SNX30: variants seen among roughly 807,000 people sequenced by gnomAD.
SNX30 encodes sorting nexin family member 30, also known as sorting nexin-30.
SNX30 carries 24 observed loss-of-function variants against 46.4 expected under a neutral mutation model. The ratio of observed to expected loss-of-function variants is 0.52; its 90% CI spans 0.37 to 0.73. The LOEUF (loss-of-function observed/expected upper bound fraction) is 0.73. Among genes scored for constraint, SNX30 ranks in the 30% least tolerant of loss-of-function variants. The pLI, the probability that SNX30 is intolerant of heterozygous loss-of-function variation, is 0.00. For synonymous variants in SNX30, 189 were observed against 211.5 expected (o/e 0.89, Z 0.92); for missense variants, 533 against 555.7 (o/e 0.96, Z 0.41).
chr9:112,823,890 T>C (rs566000678), intron 3 of SNX30, among the ~76,000 whole-genome samples: 11 of 152,356 alleles, frequency 7.2e-5, no homozygotes, highest in African/African-American at 2.6e-4. Flanking sequence ...TTGGTGATTA[T>C]TGTTTTTAAT....
chr9:112,820,824 A>G (rs1012954349), intron 3 of SNX30, among the ~76,000 whole-genome samples: 3 of 152,096 alleles, frequency 2.0e-5, no homozygotes, highest in African/African-American at 7.2e-5. Flanking sequence ...CACTTAGCAT[A>G]TTTTCAAGGT....
chr9:112,854,418 A>G (rs1234109636), intron 7 of SNX30, among the ~76,000 whole-genome samples: 1 of 152,154 alleles, frequency 6.6e-6, no homozygotes. Flanking sequence ...CCTCTCGGCC[A>G]CAGGAATTCT....
chr9:112,760,256 G>A (rs772399615), intron 1 of SNX30, among the ~76,000 whole-genome samples: 5 of 152,112 alleles, frequency 3.3e-5, no homozygotes, highest in Admixed American at 6.5e-5. Flanking sequence ...CCTGTGGCAG[G>A]GTCATTGAGC....
At chr9:112,756,824 G>GAAGC (rs1382330605) in intron 1 of SNX30, among the ~76,000 whole-genome samples, 2 of 152,162 alleles carry the variant, frequency 1.3e-5, no homozygotes, top group Non-Finnish European at 2.9e-5. Context: ...GTAATACCTA[G>GAAGC]AAGCATTCCA....
At chr9:112,795,106 G>A (rs1353329222) in intron 1 of SNX30, among the ~76,000 whole-genome samples, 1 of 152,114 alleles carries the variant, frequency 6.6e-6, no homozygotes, top group African/African-American at 2.4e-5. Flanking sequence ...ATTATTGTGT[G>A]TCTGCTATGA....
chr9:112,839,324 C>G (rs962251835), intron 6 of SNX30, among the ~76,000 whole-genome samples: 1 of 152,152 alleles, frequency 6.6e-6, no homozygotes, highest in East Asian at 1.9e-4. Flanking sequence ...GAAAAGATCA[C>G]CAGCCCAAAG....
In SNX30 at chr9:112,874,561, ACC is replaced by A. The variant is rs1841493902; in HGVS notation, c.*5719_*5720del. On this transcript the variant is annotated 3_prime_UTR_variant, in exon 9 of 9. Coordinates refer to ENST00000374232, the MANE Select transcript of SNX30 (RefSeq NM_001012994.2). The stretch of plus-strand genomic sequence containing the variant: ...ACCTTCTGAGGTATTGATGTAGTCC[ACC>A]GTGTAAATGTTACCTTCTCTCCATG... 1 of 152,208 alleles carries A rather than the reference ACC, an allele frequency of 6.6e-6. No individual in the cohort carries two copies. Among genetic ancestry groups the A allele is most frequent in the Non-Finnish European group, 1.5e-5 (1 of 68,040 alleles). The allele number at this position is 152,208 out of a possible 1,614,324, so 9.4% of individuals were successfully genotyped here. A position where few individuals can be genotyped will look rare whatever the true frequency, so the allele number is the denominator to read the frequency against.
At chr9:112,834,842 AAACACACACACACACACAC>A (rs1840723238) in intron 4 of SNX30, among the ~76,000 whole-genome samples, 3 of 107,324 alleles carry the variant, frequency 2.8e-5, no homozygotes, top group African/African-American at 9.8e-5. Context: ...ACACACACAC[AAACACACACACACACACAC>A]ACACACACAC....
intron 1 of SNX30, among the ~76,000 whole-genome samples, chr9:112,766,685 A>G (rs1320159299): frequency 6.6e-6 from 1 of 152,182 alleles, no homozygotes; most frequent in Non-Finnish European, 1.5e-5. Context: ...AATACTTTAG[A>G]TTCCTCCTGT....
At chr9:112,770,668 T>C (rs1183717422) in intron 1 of SNX30, among the ~76,000 whole-genome samples, 4 of 151,884 alleles carry the variant, frequency 2.6e-5, no homozygotes, top group Non-Finnish European at 5.9e-5. Flanking sequence ...TTCATCTATT[T>C]CATTCAGGCC....
intron 7 of SNX30, 115 bp from the exon 8 acceptor site, chr9:112,864,132 T>C: frequency 8.9e-7 from 1 of 1,119,434 alleles, no homozygotes; most frequent in Non-Finnish European, 1.3e-6. Context: ...AGGGAGCGTG[T>C]TGATAGCATT....
chr9:112,783,784 A>G (rs1667947731), intron 1 of SNX30, among the ~76,000 whole-genome samples: 10 of 152,182 alleles, frequency 6.6e-5, no homozygotes, highest in Admixed American at 6.5e-4. Context: ...TTCTGTGCTG[A>G]GGGCTGCTGG....
At chr9:112,856,310 G>T (rs2131491851) in intron 7 of SNX30, among the ~76,000 whole-genome samples, 1 of 144,964 alleles carries the variant, frequency 6.9e-6, no homozygotes, top group African/African-American at 2.5e-5. Flanking sequence ...GTGTTGGGGG[G>T]CTGGCCTGTG....
chr9:112,776,919 T>A (rs1376729328), intron 1 of SNX30, among the ~76,000 whole-genome samples: 3 of 152,192 alleles, frequency 2.0e-5, no homozygotes, highest in Non-Finnish European at 4.4e-5. Flanking sequence ...CTTTTCCTTC[T>A]TCCAGTTGCG....
At chr9:112,770,713 C>T (rs1047397685) in intron 1 of SNX30, among the ~76,000 whole-genome samples, 4 of 151,994 alleles carry the variant, frequency 2.6e-5, no homozygotes, top group African/African-American at 7.2e-5. Context: ...AGTAGCAGCC[C>T]CTGGCCGGGC....
downstream of SNX30, chr9:112,879,896 A>G: frequency 7.3e-7 from 1 of 1,377,788 alleles, no homozygotes; most frequent in Non-Finnish European, 1.0e-6. Flanking sequence ...CACAGGGTTA[A>G]TGATAATTAC....
rs1232466999 is a variant in SNX30, at chr9:112,830,712, C to A, written c.460-13C>A. 6.3e-7 allele frequency: 1 copy of A among 1,595,380 alleles called. No individual in the cohort carries two copies. The highest frequency in any genetic ancestry group is 1.4e-5 in the African/African-American group (1 of 73,298). On this transcript the variant is annotated splice_polypyrimidine_tract_variant and intron_variant, in intron 3 of 8. Coordinates refer to ENST00000374232, the MANE Select transcript of SNX30 (RefSeq NM_001012994.2). ...CATCAATTACTCTGGTTTTTTTCTT[C>A]ATGTCTTCATAGCCTCTTCCCGAGA...
intron 3 of SNX30, among the ~76,000 whole-genome samples, chr9:112,825,916 A>T (rs1331446732): frequency 5.3e-5 from 8 of 152,186 alleles, no homozygotes; most frequent in Non-Finnish European, 5.9e-5. Context: ...CTGAAGCTAC[A>T]TACATTTGGA....
At chr9:112,780,560 A>G (rs1839829570) in intron 1 of SNX30, among the ~76,000 whole-genome samples, 1 of 152,198 alleles carries the variant, frequency 6.6e-6, no homozygotes, top group Non-Finnish European at 1.5e-5. Context: ...TCTTTGCACC[A>G]AAATCCAAGA....
Sources: allele counts gnomAD v4.1 joint callset (sites outside exome capture counted in the v4.1 genomes callset), GRCh38; gene constraint gnomAD v4.1.1; transcripts MANE v1.5; gene names NCBI Gene and HGNC (gene_info 2026-07-23, HGNC 2026-07-21).